XPNPEP1: variants seen among roughly 807,000 people sequenced by gnomAD.
XPNPEP1 encodes the protein xaa-Pro aminopeptidase 1.
XPNPEP1 carries 39 observed loss-of-function variants against 92.4 expected under a neutral mutation model. The observed-to-expected ratio is 0.42, with a 90% CI of 0.33 to 0.55. The LOEUF is 0.55. XPNPEP1 is among the 20% of genes least tolerant of loss of function. The pLI is 0.08. For missense variants in XPNPEP1, 654 were observed against 856.1 expected, an observed-to-expected ratio of 0.76 and a Z score of 2.95; for synonymous variants, 307 against 299.4, an observed-to-expected ratio of 1.03 and a Z score of -0.26.
At chr10:109,872,401 C>G (rs1347760832) in intron 16 of XPNPEP1, among the ~76,000 whole-genome samples, 1 of 152,238 alleles carries the variant, frequency 6.6e-6, no homozygotes, top group East Asian at 1.9e-4. Flanking sequence ...CAGGGGTTAT[C>G]CCCACTGTCC....
intron 3 of XPNPEP1, among the ~76,000 whole-genome samples, chr10:109,900,003 G>T (rs1037446620): frequency 2.0e-5 from 3 of 152,094 alleles, no homozygotes; most frequent in African/African-American, 7.2e-5. Flanking sequence ...AGTCCCCCAG[G>T]GCCCAAGCTC....
chr10:109,878,025 C>T lies in XPNPEP1; in HGVS notation c.1216G>A (p.Ala406Thr). 1 of 1,614,236 alleles carries T rather than the reference C, an allele frequency of 6.2e-7. No individual in the cohort carries two copies. The highest frequency in any genetic ancestry group is 1.1e-5 in the South Asian group (1 of 91,084). ...CTGCGAAACTCCTCAGCTTTGTCAG[C>T]AGCTGAGATCTCTGTCACACCACCT... is the stretch of plus-strand genomic sequence containing the variant. ...PKGGVTEISA[A>T]DKAEEFRRQQ... Residue 406 changes from alanine to threonine, a missense_variant, in exon 13 of 21, where the codon GCT (alanine) becomes ACT (threonine). Coordinates refer to ENST00000502935, the MANE Select transcript of XPNPEP1 (RefSeq NM_020383.4).
chr10:109,923,344 G>A (rs1168780495), intron 1 of XPNPEP1, 58 bp downstream of exon 1: 20 of 1,392,170 alleles, frequency 1.4e-5, no homozygotes, highest in Non-Finnish European at 1.8e-5. Flanking sequence ...AACACGCGCG[G>A]CCGCGCAGCG....
Position 109,865,119 on chromosome 10 carries a change from G to C in XPNPEP1, c.*65C>G, listed in dbSNP as rs981612822. ...AGGAAAGGAAAGGGGAAAGATGTCA[G>C]GGATCTGCCACGTTTCTTCCTTCCT... On this transcript the variant is annotated 3_prime_UTR_variant, in exon 21 of 21. Coordinates refer to ENST00000502935, the MANE Select transcript of XPNPEP1 (RefSeq NM_020383.4). The C allele has an allele frequency of 8.2e-5, 132 of 1,603,158 alleles. No homozygotes were observed. Among genetic ancestry groups the C allele is most frequent in the Admixed American group, 6.7e-5 (4 of 59,740 alleles).
At chr10:109,909,675 G>C (rs1033799392) in intron 2 of XPNPEP1, among the ~76,000 whole-genome samples, 2 of 152,092 alleles carry the variant, frequency 1.3e-5, no homozygotes, top group African/African-American at 4.8e-5. Context: ...ACTTCAGAAG[G>C]AGCCAATTAC....
intron 1 of XPNPEP1, among the ~76,000 whole-genome samples, chr10:109,922,042 G>A (rs1850571773): frequency 6.6e-6 from 1 of 152,174 alleles, no homozygotes; most frequent in Non-Finnish European, 1.5e-5. Flanking sequence ...AATGTTGGTG[G>A]TGCTCCCGGA....
chr10:109,891,647 A>C, intron 5 of XPNPEP1, 75 bp downstream of exon 5: 1 of 1,196,338 alleles, frequency 8.4e-7, no homozygotes, highest in South Asian at 1.5e-5. Flanking sequence ...ATTAAGATCC[A>C]GGAGTCCTGA....
chr10:109,908,099 C>T (rs1278963853), intron 2 of XPNPEP1, among the ~76,000 whole-genome samples: 1 of 152,124 alleles, frequency 6.6e-6, no homozygotes, highest in Admixed American at 6.6e-5. Context: ...GGACTTTATT[C>T]AAGAATAGGA....
In XPNPEP1 at chr10:109,882,582, G is replaced by C; in HGVS notation, c.891C>G (p.Asp297Glu). 1 of 1,614,226 alleles carries C rather than the reference G, an allele frequency of 6.2e-7. No homozygotes were observed. The highest frequency in any genetic ancestry group is 1.1e-5 in the South Asian group (1 of 91,090). Residue 297 changes from aspartate (D) to glutamate (E), a missense_variant, in exon 10 of 21, where the codon GAC becomes GAG. Asp to Glu is a conservative substitution (Grantham distance 45). Coordinates refer to ENST00000502935, the MANE Select transcript of XPNPEP1 (RefSeq NM_020383.4). ...APSVKEHLLL[D>E]LGLEAEYRIQ... ...TCCTGTATTCGGCTTCCAGACCCAA[G>C]TCAAGAAGCAGGTGCTCCTTCACAC...
At chr10:109,916,525 G>T (rs1051251857) in intron 1 of XPNPEP1, among the ~76,000 whole-genome samples, 1 of 152,206 alleles carries the variant, frequency 6.6e-6, no homozygotes, top group Non-Finnish European at 1.5e-5. Context: ...AAGACAGAGA[G>T]GGACACATTA....
chr10:109,898,569 G>C (rs1849107987), intron 3 of XPNPEP1, among the ~76,000 whole-genome samples: 1 of 152,218 alleles, frequency 6.6e-6, no homozygotes, highest in Non-Finnish European at 1.5e-5. Context: ...ACAGTCCAGA[G>C]GGAAAGGTGT....
intron 8 of XPNPEP1, 43 bp downstream of exon 8, chr10:109,886,203 G>A (rs753478071): frequency 6.3e-7 from 1 of 1,588,634 alleles, no homozygotes; most frequent in South Asian, 1.1e-5. Flanking sequence ...ACCCAAAGGA[G>A]AGATCGGGTA....
Position 109,921,654 on chromosome 10 carries a change from G to A in XPNPEP1, c.32+1748C>T, listed in dbSNP as rs78154892. Among the ~76,000 whole-genome samples, 283 of 152,310 alleles carry A rather than the reference G, an allele frequency of 1.9e-3. 2 individuals are homozygous for A. In the East Asian group the frequency reaches 0.041, roughly 22 times the overall value. ...GTTCTAAGGTTGGGAAGTAAGCAATGTTGTCTTTGTCTACCCAGAATCCAT... is the reference window on the plus strand; with the variant it reads ...GTTCTAAGGTTGGGAAGTAAGCAATATTGTCTTTGTCTACCCAGAATCCAT... On this transcript the variant is annotated intron_variant, in intron 1 of 20. Transcript: ENST00000502935.
chr10:109,890,090 C>A (rs1848614511), intron 5 of XPNPEP1, among the ~76,000 whole-genome samples: 1 of 152,154 alleles, frequency 6.6e-6, no homozygotes, highest in Non-Finnish European at 1.5e-5. Context: ...CCAAACCCAC[C>A]AGAATCTCCC....
intron 3 of XPNPEP1, among the ~76,000 whole-genome samples, chr10:109,905,123 C>A (rs1204091471): frequency 1.3e-5 from 2 of 152,034 alleles, no homozygotes; most frequent in Non-Finnish European, 2.9e-5. Context: ...CATGGATGAA[C>A]CTTGGACACT....
intron 3 of XPNPEP1, among the ~76,000 whole-genome samples, chr10:109,896,869 C>T (rs1849021043): frequency 6.6e-6 from 1 of 152,204 alleles, no homozygotes; most frequent in African/African-American, 2.4e-5. Context: ...AATGGACTCT[C>T]CCTGGAGCCT....
At chr10:109,906,437 T>G (rs1849564279) in intron 3 of XPNPEP1, among the ~76,000 whole-genome samples, 1 of 152,094 alleles carries the variant, frequency 6.6e-6, no homozygotes, top group South Asian at 2.1e-4. Flanking sequence ...CTGAAAACCC[T>G]CCCGTCCCAG....
chr10:109,877,951 G>T, intron 13 of XPNPEP1, 49 bp downstream of exon 13: 1 of 1,614,090 alleles, frequency 6.2e-7, no homozygotes, highest in Non-Finnish European at 8.5e-7. Context: ...CATTCAACTA[G>T]CAAGAAAATC....
intron 17 of XPNPEP1, among the ~76,000 whole-genome samples, 186 bp downstream of exon 17, chr10:109,871,606 G>T (rs1370222173): frequency 6.6e-6 from 1 of 152,162 alleles, no homozygotes; most frequent in African/African-American, 2.4e-5. Flanking sequence ...ATCCTAACCC[G>T]GCTCCCTGAG....
Sources: gnomAD v4.1 joint callset for allele counts (sites outside exome capture counted in the v4.1 genomes callset) on GRCh38, gnomAD v4.1.1 for gene constraint, MANE v1.5 for transcripts, NCBI Gene and HGNC (gene_info 2026-07-23, HGNC 2026-07-21) for gene names.